RBMS1: variants seen among roughly 807,000 people sequenced by gnomAD.
RBMS1 encodes RNA-binding motif, single-stranded-interacting protein 1.
Under a neutral mutation model 62.3 loss-of-function variants are expected in RBMS1, and 17 were observed. The observed-to-expected ratio is 0.27, with a 90% CI of 0.19 to 0.41. The LOEUF is 0.41. Ranked by LOEUF, RBMS1 falls within the 10% of genes least tolerant of loss-of-function variation. RBMS1 has a pLI of 1.00. For synonymous variants in RBMS1, 172 were observed against 170.0 expected (o/e 1.01, Z -0.09); for missense variants, 334 against 504.5 (o/e 0.66, Z 3.24).
rs548795331 is a variant in RBMS1, at chr2:160,390,430, C to G, written c.76-23039G>C. ...AAGGGCTCAAGACTGATGGCTCATG[C>G]CTGTAATCTCAACACTTCGGAAGGC... On this transcript the variant is annotated intron_variant, in intron 1 of 13. Transcript: ENST00000348849. Among the ~76,000 whole-genome samples, 10 of 152,272 alleles carry G rather than the reference C, an allele frequency of 6.6e-5. No individual in the cohort carries two copies. The South Asian group carries it at 2.1e-3, about 32-fold the overall frequency.
intron 1 of RBMS1, among the ~76,000 whole-genome samples, chr2:160,482,098 A>C (rs980747978): frequency 6.6e-6 from 1 of 152,230 alleles, no homozygotes; most frequent in Non-Finnish European, 1.5e-5. Flanking sequence ...ATTTTGATAC[A>C]ATATATCCTG....
At chr2:160,370,821 T>C (rs1273068577) in intron 1 of RBMS1, among the ~76,000 whole-genome samples, 1 of 152,150 alleles carries the variant, frequency 6.6e-6, no homozygotes, top group Admixed American at 6.5e-5. Flanking sequence ...TTAATACCAT[T>C]GGCAGATATG....
rs146061702 is a variant in RBMS1 at position 160,308,719 on chromosome 2, G to A, written c.402+4437C>T. On this transcript the variant is annotated intron_variant, in intron 4 of 13. Coordinates refer to ENST00000348849, the MANE Select transcript of RBMS1 (RefSeq NM_016836.4). Reference sequence around the variant, plus strand: ...GTCCTCGCCACAGATGATGGAGGAAGGGGTCCTTTTCCTTAGCCAATGTAT... The same window carrying A: ...GTCCTCGCCACAGATGATGGAGGAAAGGGTCCTTTTCCTTAGCCAATGTAT... Among the ~76,000 whole-genome samples the A allele has an allele frequency of 9.4e-3, 1,436 of 152,242 alleles. 11 individuals carry two copies. The highest frequency in any genetic ancestry group is 0.013 in the Non-Finnish European group (914 of 68,008).
rs1408132172 is a variant in RBMS1 at position 160,313,215 on chromosome 2, C to T, written c.343G>A (p.Ala115Thr). The change falls in exon 4 of 14, where the codon GCA becomes ACA. Residue 115 changes from alanine (A) to threonine (T), a missense_variant. Ala to Thr is a moderately conservative substitution (Grantham distance 58). Coordinates refer to ENST00000348849, the MANE Select transcript of RBMS1 (RefSeq NM_016836.4). ...AGGGCAGACACAGCTTTTTGAGCTG[C>T]TGCAGGGCTGTCAAAGTCGACAAAA... ...YGFVDFDSPA[A>T]AQKAVSALKA... 1.2e-6 allele frequency: 2 copies of T among 1,613,502 alleles called. No homozygotes were observed. The highest frequency in any genetic ancestry group is 2.2e-5 in the East Asian group (1 of 44,814).
intron 1 of RBMS1, among the ~76,000 whole-genome samples, chr2:160,460,251 C>A (rs1684405685): frequency 6.6e-6 from 1 of 152,154 alleles, no homozygotes; most frequent in Non-Finnish European, 1.5e-5. Flanking sequence ...GGCACCAAGT[C>A]AGAGGAACAG....
At chr2:160,387,125 C>T (rs1434131096) in intron 1 of RBMS1, among the ~76,000 whole-genome samples, 1 of 152,140 alleles carries the variant, frequency 6.6e-6, no homozygotes, top group East Asian at 1.9e-4. Flanking sequence ...GTCCCCACCC[C>T]TTGATATTCC....
chr2:160,382,560 A>G (rs938890604), intron 1 of RBMS1, among the ~76,000 whole-genome samples: 4 of 152,236 alleles, frequency 2.6e-5, no homozygotes, highest in Non-Finnish European at 5.9e-5. Flanking sequence ...GAATTACTAT[A>G]AACCTTCAAG....
At chr2:160,471,776 G>C (rs1038397648) in intron 1 of RBMS1, among the ~76,000 whole-genome samples, 1 of 145,070 alleles carries the variant, frequency 6.9e-6, no homozygotes, top group African/African-American at 2.5e-5. Context: ...GAAGTGAAGA[G>C]GATTTATACT....
At chr2:160,313,633 AAG>A (rs1162347670) in intron 3 of RBMS1, among the ~76,000 whole-genome samples, 2 of 152,228 alleles carry the variant, frequency 1.3e-5, no homozygotes, top group East Asian at 3.8e-4. Flanking sequence ...TTCGGTAAGA[AAG>A]ATGGAGACAT....
chr2:160,469,472 C>T (rs1283188451), intron 1 of RBMS1, among the ~76,000 whole-genome samples: 1 of 152,168 alleles, frequency 6.6e-6, no homozygotes, highest in African/African-American at 2.4e-5. Context: ...GAGCTTCCAA[C>T]CATTCTCTAA....
At chr2:160,390,034 A>G (rs1201608574) in intron 1 of RBMS1, among the ~76,000 whole-genome samples, 1 of 152,248 alleles carries the variant, frequency 6.6e-6, no homozygotes, top group Non-Finnish European at 1.5e-5. Context: ...AAACAATCTT[A>G]CAAATGGGCA....
intron 1 of RBMS1, among the ~76,000 whole-genome samples, chr2:160,369,466 C>T (rs1003517235): frequency 1.3e-5 from 2 of 152,232 alleles, no homozygotes; most frequent in Non-Finnish European, 2.9e-5. Flanking sequence ...GTAGCCCACA[C>T]ACCTGCCTCC....
intron 1 of RBMS1, among the ~76,000 whole-genome samples, chr2:160,485,559 A>T (rs1329262710): frequency 1.3e-5 from 2 of 152,204 alleles, no homozygotes; most frequent in African/African-American, 2.4e-5. Context: ...TATGAAATGA[A>T]TTTCAAGTTT....
intron 2 of RBMS1, among the ~76,000 whole-genome samples, chr2:160,365,942 A>G (rs188814121): frequency 6.6e-4 from 101 of 152,340 alleles, no homozygotes; most frequent in African/African-American, 2.3e-3. Context: ...AAACCCCAAG[A>G]GCTGGGCTTG....
At chr2:160,479,189 CCA>C (rs1685262888) in intron 1 of RBMS1, among the ~76,000 whole-genome samples, 1 of 152,156 alleles carries the variant, frequency 6.6e-6, no homozygotes, top group African/African-American at 2.4e-5. Flanking sequence ...GGTTTTGGCC[CCA>C]CAGCCATAAC....
intron 1 of RBMS1, among the ~76,000 whole-genome samples, chr2:160,405,155 A>G (rs1695633254): frequency 6.6e-6 from 1 of 152,258 alleles, no homozygotes; most frequent in African/African-American, 2.4e-5. Flanking sequence ...GAAGTACTCA[A>G]TGAAAGTTAG....
rs142283414 is a variant in RBMS1, at chr2:160,274,526, GT to G, written c.*245del. Reference sequence around the variant, plus strand: ...TAAAAATCTTTTGTTTTTGTTTTTTGTTTTTTTTTTTTTACTAAAATAAACC... The same window carrying G: ...TAAAAATCTTTTGTTTTTGTTTTTTGTTTTTTTTTTTTACTAAAATAAACC... On this transcript the variant is annotated 3_prime_UTR_variant, in exon 14 of 14. Transcript: ENST00000348849. 50,886 of 114,830 alleles carry G rather than the reference GT, an allele frequency of 0.44. 8,589 individuals are homozygous for G. The highest frequency in any genetic ancestry group is 0.55 in the East Asian group (2,371 of 4,316). The allele number at this position is 114,830 out of a possible 1,614,324, so 7.1% of individuals were successfully genotyped here.
intron 1 of RBMS1, among the ~76,000 whole-genome samples, chr2:160,393,669 C>CG (rs1306892849): frequency 1.3e-5 from 2 of 151,250 alleles, no homozygotes; most frequent in African/African-American, 2.4e-5. Context: ...CCCAGCTACT[C>CG]GGGAGGCTGA....
rs977584300 is a variant in RBMS1, at chr2:160,473,149, T to G, written c.75+20140A>C. Among the ~76,000 whole-genome samples the G allele has an allele frequency of 1.3e-5, 2 of 152,236 alleles. 1 individual carries two copies. The highest frequency in any genetic ancestry group is 2.9e-5 in the Non-Finnish European group (2 of 68,036). On this transcript the variant is annotated intron_variant, in intron 1 of 13. Coordinates refer to ENST00000348849, the MANE Select transcript of RBMS1 (RefSeq NM_016836.4). ...GATTGTATACATTGTTTGCCTTGAT[T>G]AGTGCAGATTGCTCTGTCACGTAAA...
Sources: gnomAD v4.1 joint callset for allele counts (sites outside exome capture counted in the v4.1 genomes callset) on GRCh38, gnomAD v4.1.1 for gene constraint, MANE v1.5 for transcripts, NCBI Gene and HGNC (gene_info 2026-07-23, HGNC 2026-07-21) for gene names.